Variants in KIAA1549L observed in about 807,000 individuals in gnomAD.
The protein encoded by KIAA1549L is KIAA1549 like.
In KIAA1549L, 88 loss-of-function variants were observed where a neutral mutation model predicts 160.7. The ratio of observed to expected loss-of-function variants is 0.55; its 90% CI spans 0.46 to 0.65. KIAA1549L has a LOEUF of 0.65. Among genes scored for constraint, KIAA1549L ranks in the 30% least tolerant of loss-of-function variants. The pLI, the probability that KIAA1549L is intolerant of heterozygous loss-of-function variation, is 0.00. For missense variants in KIAA1549L, 2,258 were observed against 2,437.5 expected (o/e 0.93, Z 1.55); for synonymous variants, 950 against 976.7 (o/e 0.97, Z 0.51).
chr11:33,465,046 CTTTTTTTTTTTTTT>C (rs1008261470), intron 1 of KIAA1549L, among the ~76,000 whole-genome samples: 1,184 of 79,046 alleles, frequency 0.015, 31 homozygotes, highest in African/African-American at 0.057. Flanking sequence ...GGACCTTCTT[CTTTTTTTTTTTTTT>C]TTTTTTTTTT....
chr11:33,476,245 C>A (rs1852283895), intron 1 of KIAA1549L, among the ~76,000 whole-genome samples: 1 of 152,040 alleles, frequency 6.6e-6, no homozygotes, highest in African/African-American at 2.4e-5. Context: ...ATAGGCCATG[C>A]TGATTAGGGA....
intron 1 of KIAA1549L, among the ~76,000 whole-genome samples, chr11:33,453,296 G>T (rs898933325): frequency 3.9e-5 from 6 of 152,302 alleles, no homozygotes; most frequent in South Asian, 2.1e-4. Context: ...TTTCATTTTG[G>T]CTTCTTCCAG....
chr11:33,583,511 A>C lies in KIAA1549L; in HGVS notation c.4566+10A>C, dbSNP rs1352286591. The C allele has an allele frequency of 3.8e-6, 6 of 1,564,534 alleles. No homozygotes were observed. The African/African-American group carries it at 8.1e-5, about 21-fold the overall frequency. On this transcript the variant is annotated intron_variant, in intron 11 of 20. Transcript: ENST00000658780. ...GCCGCAGAGAGCAAAGGTATATGGA[A>C]GTGGTGGGGAGAGGGGCAGGAGGAC...
rs541908586 is a variant in KIAA1549L, at chr11:33,426,985, G to C, written c.238+50096G>C. Reference sequence around the variant, plus strand: ...TTGGGGCTATTAATTGGTTTCTGTGGTCAAATGTGTTTTGGGGAAACTTAG... The same window carrying C: ...TTGGGGCTATTAATTGGTTTCTGTGCTCAAATGTGTTTTGGGGAAACTTAG... On this transcript the variant is annotated intron_variant, in intron 1 of 20. Coordinates refer to ENST00000658780, the MANE Select transcript of KIAA1549L (RefSeq NM_012194.3). 5.0e-4 allele frequency among the ~76,000 whole-genome samples: 76 copies of C among 152,260 alleles called. 1 individual carries two copies. Among genetic ancestry groups the C allele is most frequent in the African/African-American group, 1.7e-3 (71 of 41,526 alleles).
At chr11:33,385,422 T>C (rs1230615499) in intron 1 of KIAA1549L, among the ~76,000 whole-genome samples, 1 of 152,246 alleles carries the variant, frequency 6.6e-6, no homozygotes, top group Admixed American at 6.5e-5. Flanking sequence ...TTTAGCAATA[T>C]TTCTGACTGC....
At chr11:33,657,749 G>A (rs1156691962) in intron 18 of KIAA1549L, among the ~76,000 whole-genome samples, 2 of 152,130 alleles carry the variant, frequency 1.3e-5, no homozygotes, top group East Asian at 3.8e-4. Context: ...GTGAGCCGAG[G>A]TGGTGCCACT....
In KIAA1549L at chr11:33,518,663, A is replaced by G. The variant is rs371778754; in HGVS notation, c.239-23139A>G. Among the ~76,000 whole-genome samples, 3 of 152,308 alleles carry G rather than the reference A, an allele frequency of 2.0e-5. No homozygotes were observed. In the East Asian group the frequency reaches 5.8e-4, roughly 29 times the overall value. ...GTTACTATTTTGCTTTCTACTTGCT[A>G]TGATATTATAAAGTCTGTTTTATTC... On this transcript the variant is annotated intron_variant, in intron 1 of 20. Coordinates refer to ENST00000658780, the MANE Select transcript of KIAA1549L (RefSeq NM_012194.3).
chr11:33,549,651 T>C (rs2088257957), intron 4 of KIAA1549L, among the ~76,000 whole-genome samples: 1 of 152,204 alleles, frequency 6.6e-6, no homozygotes, highest in Non-Finnish European at 1.5e-5. Context: ...AAATCAGTTG[T>C]CTTGCTTCCT....
At chr11:33,418,556 C>T (rs772720345) in intron 1 of KIAA1549L, among the ~76,000 whole-genome samples, 7 of 152,174 alleles carry the variant, frequency 4.6e-5, no homozygotes, top group Non-Finnish European at 5.9e-5. Flanking sequence ...AACACCCCAA[C>T]GTAACAACCT....
chr11:33,487,402 CTTTTTTTTTTTTT>C (rs112165825), intron 1 of KIAA1549L, among the ~76,000 whole-genome samples: 5 of 85,554 alleles, frequency 5.8e-5, no homozygotes, highest in African/African-American at 2.3e-4. Context: ...GTCTATTGTT[CTTTTTTTTTTTTT>C]TTTTTTTTTG....
intron 1 of KIAA1549L, among the ~76,000 whole-genome samples, chr11:33,526,028 A>G (rs1853603664): frequency 6.6e-6 from 1 of 151,978 alleles, no homozygotes; most frequent in Non-Finnish European, 1.5e-5. Flanking sequence ...GCCCCACCTG[A>G]TGGTTTTTCT....
intron 1 of KIAA1549L, among the ~76,000 whole-genome samples, chr11:33,385,700 G>A (rs1850160050): frequency 6.7e-6 from 1 of 149,964 alleles, no homozygotes; most frequent in African/African-American, 2.4e-5. Flanking sequence ...TTTTTGGTTG[G>A]AATTTCTTTG....
chr11:33,416,337 G>C (rs181443468), intron 1 of KIAA1549L, among the ~76,000 whole-genome samples: 1 of 152,190 alleles, frequency 6.6e-6, no homozygotes, highest in East Asian at 1.9e-4. Context: ...TTGGTCAGCT[G>C]TTCCATTCCC....
chr11:33,403,347 A>AGG (rs1850567480), intron 1 of KIAA1549L: 3 of 6,262 alleles, frequency 4.8e-4, no homozygotes, highest in African/African-American at 1.1e-3. Flanking sequence ...GCAGACACGC[A>AGG]GACAGACACA....
At chr11:33,389,028 G>C (rs1464223777) in intron 1 of KIAA1549L, among the ~76,000 whole-genome samples, 1 of 152,322 alleles carries the variant, frequency 6.6e-6, no homozygotes, top group South Asian at 2.1e-4. Flanking sequence ...ATTCGATTTA[G>C]ATTGAGATTT....
At chr11:33,622,211 A>T (rs1243417663) in intron 16 of KIAA1549L, among the ~76,000 whole-genome samples, 1 of 152,204 alleles carries the variant, frequency 6.6e-6, no homozygotes, top group African/African-American at 2.4e-5. Context: ...AATCTATAAA[A>T]AGGGGTATCA....
chr11:33,656,246 A>G (rs1852061344), intron 18 of KIAA1549L, 137 bp downstream of exon 18: 2 of 658,412 alleles, frequency 3.0e-6, no homozygotes, highest in Non-Finnish European at 5.5e-6. Context: ...ACAGACAACC[A>G]TGCGCCTGTG....
At chr11:33,432,303 C>G (rs994151796) in intron 1 of KIAA1549L, among the ~76,000 whole-genome samples, 2 of 152,232 alleles carry the variant, frequency 1.3e-5, no homozygotes, top group Non-Finnish European at 2.9e-5. Context: ...ACACTGTCAC[C>G]TCTCAGCACT....
chr11:33,571,361 A>G (rs954645254), intron 9 of KIAA1549L, among the ~76,000 whole-genome samples: 2 of 152,208 alleles, frequency 1.3e-5, no homozygotes, highest in African/African-American at 2.4e-5. Context: ...ACACAAAGAC[A>G]AAAGAGTGAG....
Sources: allele counts gnomAD v4.1 joint callset (sites outside exome capture counted in the v4.1 genomes callset), GRCh38; gene constraint gnomAD v4.1.1; transcripts MANE v1.5; gene names NCBI Gene and HGNC (gene_info 2026-07-23, HGNC 2026-07-21).